NRXN3: variants seen among roughly 807,000 people sequenced by gnomAD.
The protein encoded by NRXN3 is neurexin 3.
Under a neutral mutation model 137.6 loss-of-function variants are expected in NRXN3, and 32 were observed. That is an observed-to-expected ratio of 0.23 (90% CI 0.18 to 0.31). The LOEUF is 0.31. Ranked by LOEUF, NRXN3 falls within the 10% of genes least tolerant of loss-of-function variation. The pLI is 1.00. For missense variants in NRXN3, 1,574 were observed against 2,062.5 expected, an observed-to-expected ratio of 0.76 and a Z score of 4.59; for synonymous variants, 798 against 784.5, an observed-to-expected ratio of 1.02 and a Z score of -0.29.
At chr14:78,725,996 G>A (rs987367984) in intron 8 of NRXN3, among the ~76,000 whole-genome samples, 4 of 152,132 alleles carry the variant, frequency 2.6e-5, no homozygotes, top group Admixed American at 1.3e-4. Flanking sequence ...CCAAGAATAC[G>A]TTGAGGTGAT....
intron 19 of NRXN3, among the ~76,000 whole-genome samples, chr14:79,724,507 GA>G (rs749376312): frequency 4.4e-4 from 67 of 152,128 alleles, no homozygotes; most frequent in South Asian, 1.2e-3. Flanking sequence ...AATTGAAAAG[GA>G]ATGTATGGAG....
chr14:78,183,783 C>G (rs12892431), intron 1 of NRXN3, among the ~76,000 whole-genome samples: 102,543 of 151,992 alleles, frequency 0.67, 34,785 homozygotes, highest in Non-Finnish European at 0.72. Flanking sequence ...AAAGGGAGCT[C>G]CCTCCATACT....
intron 20 of NRXN3, among the ~76,000 whole-genome samples, chr14:79,843,847 C>A (rs928531633): frequency 1.3e-5 from 2 of 152,048 alleles, no homozygotes; most frequent in African/African-American, 4.8e-5. Context: ...TTTTAGTGCA[C>A]CCATCACCTG....
intron 15 of NRXN3, among the ~76,000 whole-genome samples, chr14:79,137,121 T>C (rs932472877): frequency 6.6e-6 from 1 of 152,254 alleles, no homozygotes; most frequent in Non-Finnish European, 1.5e-5. Flanking sequence ...TCCTGGATTC[T>C]GCATGCTGCC....
intron 10 of NRXN3, among the ~76,000 whole-genome samples, chr14:78,842,427 G>A (rs966184832): frequency 3.3e-5 from 5 of 152,056 alleles, no homozygotes; most frequent in Admixed American, 6.6e-5. Context: ...GGGAGTGTAC[G>A]AATAGGGTGT....
At chr14:78,322,339 G>T (rs557601867) in intron 4 of NRXN3, among the ~76,000 whole-genome samples, 36 of 152,136 alleles carry the variant, frequency 2.4e-4, no homozygotes, top group African/African-American at 8.0e-4. Context: ...TCGGAAAGGG[G>T]TGATCATTCC....
chr14:79,771,965 A>C (rs1244720297), intron 19 of NRXN3, among the ~76,000 whole-genome samples: 3 of 133,546 alleles, frequency 2.2e-5, no homozygotes, highest in Non-Finnish European at 4.8e-5. Context: ...AATCACAAGC[A>C]TTCTTATACA....
At chr14:79,150,535 C>A (rs1180180429) in intron 15 of NRXN3, among the ~76,000 whole-genome samples, 1 of 151,918 alleles carries the variant, frequency 6.6e-6, no homozygotes, top group Admixed American at 6.6e-5. Context: ...TGCATTCTAA[C>A]CCAAGCCACC....
chr14:78,599,591 C>G (rs1021809889), intron 4 of NRXN3, among the ~76,000 whole-genome samples: 9 of 152,204 alleles, frequency 5.9e-5, no homozygotes, highest in African/African-American at 2.2e-4. Context: ...GATTCCTTTT[C>G]CTGTACCCCT....
intron 14 of NRXN3, among the ~76,000 whole-genome samples, 190 bp from the exon 15 acceptor site, chr14:78,987,832 T>G (rs1287701974): frequency 1.3e-5 from 2 of 152,204 alleles, no homozygotes; most frequent in Non-Finnish European, 2.9e-5. Flanking sequence ...TGGCTAAGTG[T>G]GTATTTCCGT....
chr14:79,700,344 C>T (rs907658759), intron 19 of NRXN3, among the ~76,000 whole-genome samples: 1 of 151,996 alleles, frequency 6.6e-6, no homozygotes, highest in Admixed American at 6.6e-5. Flanking sequence ...GTAGGGAAGA[C>T]TGGATTTCAT....
At chr14:78,346,283 G>A (rs1244387302) in intron 4 of NRXN3, among the ~76,000 whole-genome samples, 1 of 152,140 alleles carries the variant, frequency 6.6e-6, no homozygotes, top group Admixed American at 6.5e-5. Context: ...CCAGAAGGTT[G>A]GCCTAAGTCT....
rs1566902028 is a variant in NRXN3 at position 79,358,605 on chromosome 14, A to AAGAAAGAG, written c.3263-108613_3263-108612insAAGAGAGA. Among the ~76,000 whole-genome samples the AAGAAAGAG allele has an allele frequency of 7.1e-4, 19 of 26,864 alleles. 1 individual carries two copies. Among genetic ancestry groups the AAGAAAGAG allele is most frequent in the African/African-American group, 1.8e-3 (18 of 10,098 alleles). 17.6% of individuals were successfully genotyped at this position (26,864 alleles called of 152,430 possible). ...AAAGAGAGAAAGAAAGAAAGAAAGA[A>AAGAAAGAG]AGAGAAAGAAAGAAAGAAAGAAAGA... is the stretch of plus-strand genomic sequence containing the variant. On this transcript the variant is annotated intron_variant, in intron 15 of 20. Transcript: ENST00000335750.
At position 79,249,478 on chromosome 14, in the gene NRXN3, A is replaced by G. The variant is rs561322700; in HGVS notation, c.3263-217743A>G. 2.0e-4 allele frequency among the ~76,000 whole-genome samples: 31 copies of G among 152,316 alleles called. No individual in the cohort carries two copies. The South Asian group carries it at 6.0e-3, about 30-fold the overall frequency. ...TGGTGAAACACTTAGGGATGAGAAA[A>G]TGTGAAAAGTCTCAATTGTCCCTAG... On this transcript the variant is annotated intron_variant, in intron 15 of 20. Transcript: ENST00000335750.
rs1445833117 is a variant in NRXN3 at position 79,822,839 on chromosome 14, AC to A, written c.4093+17651del. On this transcript the variant is annotated intron_variant, in intron 20 of 20. Coordinates refer to ENST00000335750, the MANE Select transcript of NRXN3 (RefSeq NM_001330195.2). ...AACAAACAAACAAACAAACAAAAAA[AC>A]CAAAAAAGCCACCCTAGGATAAATA... 1.2e-4 allele frequency among the ~76,000 whole-genome samples: 18 copies of A among 152,246 alleles called. No homozygotes were observed. The East Asian group carries it at 2.3e-3, about 20-fold the overall frequency.
chr14:78,271,447 A>G (rs1690679710), intron 2 of NRXN3, among the ~76,000 whole-genome samples: 1 of 150,020 alleles, frequency 6.7e-6, no homozygotes, highest in African/African-American at 2.5e-5. Flanking sequence ...CCTTACTCCC[A>G]TGCCTGTTCT....
intron 15 of NRXN3, among the ~76,000 whole-genome samples, chr14:79,244,761 C>T (rs1194273364): frequency 6.6e-6 from 1 of 152,064 alleles, no homozygotes; most frequent in Non-Finnish European, 1.5e-5. Flanking sequence ...ATAATTATTT[C>T]AGTTACTGGA....
intron 17 of NRXN3, among the ~76,000 whole-genome samples, chr14:79,664,708 C>T (rs1268786108): frequency 1.3e-5 from 2 of 152,110 alleles, no homozygotes; most frequent in Admixed American, 6.5e-5. Context: ...CTCAGCTTTC[C>T]CTCTTGCCTC....
intron 4 of NRXN3, among the ~76,000 whole-genome samples, chr14:78,524,300 C>A (rs747341622): frequency 1.2e-4 from 18 of 152,220 alleles, no homozygotes; most frequent in Non-Finnish European, 2.1e-4. Context: ...AGTCCTTACA[C>A]TGTGGTACAG....
Sources: allele counts gnomAD v4.1 joint callset (sites outside exome capture counted in the v4.1 genomes callset), GRCh38; gene constraint gnomAD v4.1.1; transcripts MANE v1.5; gene names NCBI Gene and HGNC (gene_info 2026-07-23, HGNC 2026-07-21).